Variants in CTNND2 observed in about 807,000 individuals in gnomAD.
The protein encoded by CTNND2 is catenin delta 2.
In CTNND2, 22 loss-of-function variants were observed where a neutral mutation model predicts 144.4. That is an observed-to-expected ratio of 0.15 (90% CI 0.11 to 0.22). The LOEUF (loss-of-function observed/expected upper bound fraction) is 0.22, where lower values mean the gene tolerates loss of function less well. CTNND2 is among the 10% of genes least tolerant of loss of function. The pLI is 1.00. For missense variants in CTNND2, 1,353 were observed against 1,618.8 expected, an observed-to-expected ratio of 0.84 and a Z score of 2.82; for synonymous variants, 751 against 695.6, an observed-to-expected ratio of 1.08 and a Z score of -1.25.
At chr5:11,679,934 T>C (rs77760888) in intron 2 of CTNND2, among the ~76,000 whole-genome samples, 3,653 of 152,284 alleles carry the variant, frequency 0.024, 48 homozygotes, top group East Asian at 0.057. Context: ...TTGTGATGAA[T>C]GTTCTAAAGC....
chr5:11,826,139 A>C (rs553535737), intron 1 of CTNND2, among the ~76,000 whole-genome samples: 1 of 152,140 alleles, frequency 6.6e-6, no homozygotes, highest in South Asian at 2.1e-4. Flanking sequence ...ACGTTGACAT[A>C]AGCAAAAATA....
chr5:11,491,945 T>C (rs925936199), intron 3 of CTNND2, among the ~76,000 whole-genome samples: 1 of 152,200 alleles, frequency 6.6e-6, no homozygotes, highest in Admixed American at 6.5e-5. Flanking sequence ...ATTTCATGCA[T>C]GAAAACTTGC....
chr5:11,202,537 C>A (rs26461), intron 10 of CTNND2, among the ~76,000 whole-genome samples: 13 of 152,086 alleles, frequency 8.5e-5, no homozygotes, highest in Non-Finnish European at 1.5e-4. Flanking sequence ...AATGTGAGAA[C>A]CCTACTTCTG....
chr5:11,398,917 T>C (rs1467559412), intron 5 of CTNND2, among the ~76,000 whole-genome samples: 1 of 152,138 alleles, frequency 6.6e-6, no homozygotes, highest in African/African-American at 2.4e-5. Flanking sequence ...AAGAACAGTG[T>C]CTGAGGTCCA....
At chr5:11,156,789 G>A (rs770678653) in intron 12 of CTNND2, among the ~76,000 whole-genome samples, 15 of 152,184 alleles carry the variant, frequency 9.9e-5, no homozygotes, top group East Asian at 5.8e-4. Flanking sequence ...TACACACTCC[G>A]TAGGTCCTAG....
At chr5:10,977,855 T>G (rs967446380) in intron 21 of CTNND2, among the ~76,000 whole-genome samples, 7 of 152,198 alleles carry the variant, frequency 4.6e-5, no homozygotes, top group Non-Finnish European at 8.8e-5. Context: ...CTAGGAGGCT[T>G]TAAGCTCAGA....
chr5:11,513,989 G>A (rs1488013449), intron 3 of CTNND2, among the ~76,000 whole-genome samples: 1 of 152,026 alleles, frequency 6.6e-6, no homozygotes. Context: ...GGCCAGCCTG[G>A]GCAACATAGG....
chr5:11,385,339 C>T, intron 6 of CTNND2, 110 bp from the exon 7 acceptor site: 2 of 727,146 alleles, frequency 2.8e-6, no homozygotes, highest in Non-Finnish European at 3.4e-6. Flanking sequence ...GCCGCGGGCG[C>T]CCGGCGGCTC....
intron 9 of CTNND2, among the ~76,000 whole-genome samples, chr5:11,316,154 G>A (rs1751451231): frequency 6.6e-6 from 1 of 152,172 alleles, no homozygotes; most frequent in Non-Finnish European, 1.5e-5. Context: ...TATAATTAGG[G>A]TAAATCAGGA....
chr5:11,701,699 T>C (rs1785440900), intron 2 of CTNND2, among the ~76,000 whole-genome samples: 1 of 21,514 alleles, frequency 4.6e-5, no homozygotes. Flanking sequence ...TATGGAATAC[T>C]CCTTAATATA....
At chr5:11,304,261 G>A (rs558399563) in intron 9 of CTNND2, among the ~76,000 whole-genome samples, 9 of 151,918 alleles carry the variant, frequency 5.9e-5, no homozygotes, top group East Asian at 3.9e-4. Flanking sequence ...TGCACAAACC[G>A]TTTCATTATT....
intron 9 of CTNND2, among the ~76,000 whole-genome samples, chr5:11,256,935 A>C (rs1004592664): frequency 6.6e-6 from 1 of 152,176 alleles, no homozygotes; most frequent in African/African-American, 2.4e-5. Context: ...AAATGCTAAT[A>C]GCACCCTTTT....
intron 1 of CTNND2, among the ~76,000 whole-genome samples, chr5:11,754,821 ACTGTGAGC>A (rs1788837397): frequency 6.6e-6 from 1 of 151,714 alleles, no homozygotes. Flanking sequence ...CCATCCCTTT[ACTGTGAGC>A]CTGTGGGTTT....
At chr5:11,227,695 G>C (rs1740508499) in intron 10 of CTNND2, among the ~76,000 whole-genome samples, 1 of 152,092 alleles carries the variant, frequency 6.6e-6, no homozygotes, top group South Asian at 2.1e-4. Context: ...AAAAGTTATG[G>C]GGGAGGGGAA....
intron 3 of CTNND2, among the ~76,000 whole-genome samples, chr5:11,549,293 C>T (rs890363749): frequency 6.6e-6 from 1 of 152,154 alleles, no homozygotes; most frequent in African/African-American, 2.4e-5. Flanking sequence ...TATACGGTGT[C>T]TGCAACATTG....
At chr5:11,040,884 A>C (rs1362423380) in intron 16 of CTNND2, among the ~76,000 whole-genome samples, 2 of 152,220 alleles carry the variant, frequency 1.3e-5, no homozygotes, top group Non-Finnish European at 1.5e-5. Context: ...TACTGATTCT[A>C]GCTTCAGGAG....
At chr5:11,558,705 G>A (rs1776442069) in intron 3 of CTNND2, among the ~76,000 whole-genome samples, 1 of 152,098 alleles carries the variant, frequency 6.6e-6, no homozygotes, top group Non-Finnish European at 1.5e-5. Context: ...GCTGGGTGGG[G>A]CCCAGGTTGT....
rs1410850942 is a variant in CTNND2 at position 11,181,713 on chromosome 5, GGTGTGTGTGTGTGTTATGTGTGGCAT to G, written c.1975+17709_1975+17734del. Among the ~76,000 whole-genome samples, 21 of 150,178 alleles carry G rather than the reference GGTGTGTGTGTGTGTTATGTGTGGCAT, an allele frequency of 1.4e-4. No individual in the cohort carries two copies. In the East Asian group the frequency reaches 4.1e-3, roughly 30 times the overall value. ...TGGTGTGTGTGTGGTGTATGCGTGTGGTGTGTGTGTGTGTTATGTGTGGCATGTGTGTGTGGATGTGTGTATGTGTG... is the reference window on the plus strand; with the variant it reads ...TGGTGTGTGTGTGGTGTATGCGTGTGGTGTGTGTGGATGTGTGTATGTGTG... On this transcript the variant is annotated intron_variant, in intron 11 of 21. Coordinates refer to ENST00000304623, the MANE Select transcript of CTNND2 (RefSeq NM_001332.4).
At chr5:11,722,878 T>C (rs1226855771) in intron 2 of CTNND2, among the ~76,000 whole-genome samples, 1 of 152,094 alleles carries the variant, frequency 6.6e-6, no homozygotes, top group Non-Finnish European at 1.5e-5. Flanking sequence ...CATGCCACCA[T>C]TAAACATAAA....
Sources: gnomAD v4.1 joint callset for allele counts (sites outside exome capture counted in the v4.1 genomes callset) on GRCh38, gnomAD v4.1.1 for gene constraint, MANE v1.5 for transcripts, NCBI Gene and HGNC (gene_info 2026-07-23, HGNC 2026-07-21) for gene names.